The following MMP16 variants were observed in gnomAD, a reference collection of about 807,000 sequenced individuals.
The protein encoded by MMP16 is matrix metalloproteinase-16.
Under a neutral mutation model 67.8 loss-of-function variants are expected in MMP16, and 12 were observed. The ratio of observed to expected loss-of-function variants is 0.18; its 90% CI spans 0.11 to 0.29. The LOEUF (loss-of-function observed/expected upper bound fraction) is 0.29, where lower values mean the gene tolerates loss of function less well. Among genes scored for constraint, MMP16 ranks in the 10% least tolerant of loss-of-function variants. The pLI is 1.00. For missense variants in MMP16, 475 were observed against 765.7 expected, an observed-to-expected ratio of 0.62 and a Z score of 4.48; for synonymous variants, 249 against 255.9, an observed-to-expected ratio of 0.97 and a Z score of 0.26.
intron 1 of MMP16, among the ~76,000 whole-genome samples, chr8:88,320,826 C>T (rs1811448639): frequency 6.6e-6 from 1 of 152,112 alleles, no homozygotes; most frequent in African/African-American, 2.4e-5. Context: ...GCTACACTTA[C>T]TCTCTCGGCT....
chr8:88,202,578 T>G (rs1209254676), intron 1 of MMP16, among the ~76,000 whole-genome samples: 1 of 151,158 alleles, frequency 6.6e-6, no homozygotes, highest in East Asian at 1.9e-4. Flanking sequence ...GATTTTACTG[T>G]TTTTTTTTCT....
intron 6 of MMP16, among the ~76,000 whole-genome samples, chr8:88,093,178 A>G (rs1808967709): frequency 6.6e-6 from 1 of 151,868 alleles, no homozygotes; most frequent in South Asian, 2.1e-4. Flanking sequence ...TACAATATCA[A>G]CTACATGCTA....
chr8:88,204,256 T>C (rs1435063772), intron 1 of MMP16, among the ~76,000 whole-genome samples: 3 of 152,202 alleles, frequency 2.0e-5, no homozygotes, highest in Non-Finnish European at 4.4e-5. Context: ...AAAATGGTAA[T>C]TTACCTGCTG....
In MMP16 at chr8:88,327,193, G is replaced by A; in HGVS notation, c.14C>T (p.Thr5Ile). 3 of 1,614,012 alleles carry A rather than the reference G, an allele frequency of 1.9e-6. No individual in the cohort carries two copies. Among genetic ancestry groups the A allele is most frequent in the Non-Finnish European group, 2.5e-6 (3 of 1,179,956 alleles). ...ATCCAACCGTCTTCCAGTGCTGAATGTGAGTAAGATCATAGTGAACTGTGC... is the reference window on the plus strand; with the variant it reads ...ATCCAACCGTCTTCCAGTGCTGAATATGAGTAAGATCATAGTGAACTGTGC... MILL[T>I]FSTGRRLDFV... is the part of the protein sequence containing the mutation. Residue 5 changes from threonine to isoleucine, a missense_variant, in exon 1 of 10, where the codon ACA becomes ATA. Physicochemically the swap from Thr to Ile is moderately conservative, Grantham distance 89. Transcript: ENST00000286614.
chr8:88,165,479 T>C (rs1255504003), intron 4 of MMP16, among the ~76,000 whole-genome samples: 1 of 152,036 alleles, frequency 6.6e-6, no homozygotes, highest in Non-Finnish European at 1.5e-5. Context: ...CCCCTGGAAG[T>C]AAATGCAGCC....
chr8:88,268,286 G>C (rs899977577), intron 1 of MMP16, among the ~76,000 whole-genome samples: 1 of 152,176 alleles, frequency 6.6e-6, no homozygotes, highest in African/African-American at 2.4e-5. Context: ...AGGTTGCAGT[G>C]AGCCGAGACT....
chr8:88,285,326 G>C (rs907574663), intron 1 of MMP16, among the ~76,000 whole-genome samples: 1 of 151,958 alleles, frequency 6.6e-6, no homozygotes, highest in African/African-American at 2.4e-5. Context: ...TTTTAGTAGC[G>C]ATGGGGTTTC....
chr8:88,046,895 C>T, intron 8 of MMP16, 111 bp from the exon 9 acceptor site: 1 of 598,440 alleles, frequency 1.7e-6, no homozygotes, highest in South Asian at 2.5e-5. Context: ...GTGTGCTTGA[C>T]TTTGTTACCT....
rs148113533 is a variant in MMP16 at position 88,215,108 on chromosome 8, G to A, written c.133-17802C>T. 9.5e-3 allele frequency among the ~76,000 whole-genome samples: 1,453 copies of A among 152,152 alleles called. 13 individuals carry two copies. The highest frequency in any genetic ancestry group is 0.033 in the African/African-American group (1,351 of 41,514). On this transcript the variant is annotated intron_variant, in intron 1 of 9. Coordinates refer to ENST00000286614, the MANE Select transcript of MMP16 (RefSeq NM_005941.5). ...ACTTTGGGAGGCCAAGGTGGATCAC[G>A]AGGTCAGGGGTTCAAGAGCAGCCTG...
At chr8:88,170,563 A>C (rs971233328) in intron 3 of MMP16, among the ~76,000 whole-genome samples, 1 of 152,160 alleles carries the variant, frequency 6.6e-6, no homozygotes, top group Admixed American at 6.6e-5. Flanking sequence ...CATAATTGGC[A>C]CTGTTCCAGG....
chr8:88,042,031 C>A lies in MMP16; in HGVS notation c.1490-236G>T, dbSNP rs1408184507. 2.6e-5 allele frequency among the ~76,000 whole-genome samples: 4 copies of A among 152,258 alleles called. No homozygotes were observed. The East Asian group carries it at 5.8e-4, about 22-fold the overall frequency. ...AAGCTCAGTCCAGAGAGAGAAATAT[C>A]ATTTACAGAGGACTGTTCAAAGACC... On this transcript the variant is annotated intron_variant, in intron 9 of 9. Coordinates refer to ENST00000286614, the MANE Select transcript of MMP16 (RefSeq NM_005941.5).
At position 88,327,078 on chromosome 8, in the gene MMP16, C is replaced by G. The variant is rs972574194; in HGVS notation, c.129G>C (p.Val43=). ...TVCGTEQYFN[V]EVWLQKYGYL... ...AAGAAAGCCCTCGCACTCTTACCTC[C>G]ACATTGAAATACTGCTCCGTTCCGC... Residue 43 remains valine, a synonymous_variant, in exon 1 of 10, where the codon GTG becomes GTC. Coordinates refer to ENST00000286614, the MANE Select transcript of MMP16 (RefSeq NM_005941.5). The G allele has an allele frequency of 6.2e-7, 1 of 1,613,796 alleles. No homozygotes were observed. Among genetic ancestry groups the G allele is most frequent in the African/African-American group, 1.3e-5 (1 of 74,866 alleles).
At chr8:88,149,086 A>G (rs1415754252) in intron 4 of MMP16, among the ~76,000 whole-genome samples, 1 of 152,216 alleles carries the variant, frequency 6.6e-6, no homozygotes, top group Non-Finnish European at 1.5e-5. Context: ...TTCTGAGTCA[A>G]AGAAAGGGGT....
chr8:88,170,945 G>C (rs1394447657), intron 3 of MMP16, among the ~76,000 whole-genome samples: 1 of 152,164 alleles, frequency 6.6e-6, no homozygotes, highest in Non-Finnish European at 1.5e-5. Context: ...ATGGAGATAT[G>C]AAGAATTAGT....
At chr8:88,321,385 T>C (rs1307893327) in intron 1 of MMP16, among the ~76,000 whole-genome samples, 1 of 152,186 alleles carries the variant, frequency 6.6e-6, no homozygotes, top group Non-Finnish European at 1.5e-5. Flanking sequence ...TTTTTATGAT[T>C]GAATTACCAC....
chr8:88,296,659 C>T (rs538795316), intron 1 of MMP16, among the ~76,000 whole-genome samples: 40 of 151,852 alleles, frequency 2.6e-4, no homozygotes, highest in Middle Eastern at 3.4e-3. Context: ...CATGGCAAAA[C>T]CCTTTCTCTA....
intron 4 of MMP16, among the ~76,000 whole-genome samples, chr8:88,138,926 G>C (rs1477531251): frequency 6.6e-6 from 1 of 152,066 alleles, no homozygotes; most frequent in African/African-American, 2.4e-5. Context: ...AGGCATTTAT[G>C]TTTTTCAGGT....
intron 1 of MMP16, among the ~76,000 whole-genome samples, chr8:88,310,306 T>A (rs1268681889): frequency 6.6e-6 from 1 of 152,096 alleles, no homozygotes; most frequent in Non-Finnish European, 1.5e-5. Flanking sequence ...ATGATGGAGA[T>A]GATTTTTTAA....
chr8:88,195,173 C>CAA (rs1173354567), intron 2 of MMP16, among the ~76,000 whole-genome samples: 4 of 152,106 alleles, frequency 2.6e-5, no homozygotes, highest in African/African-American at 9.7e-5. Flanking sequence ...TACCTCCTCA[C>CAA]AAAAACCTTC....
Sources: gnomAD v4.1 joint callset for allele counts (sites outside exome capture counted in the v4.1 genomes callset) on GRCh38, gnomAD v4.1.1 for gene constraint, MANE v1.5 for transcripts, NCBI Gene and HGNC (gene_info 2026-07-23, HGNC 2026-07-21) for gene names.